Variants in FRMD3 observed in about 807,000 individuals in gnomAD.
FRMD3 encodes FERM domain containing 3, also known as FERM domain-containing protein 3.
FRMD3 carries 33 observed loss-of-function variants against 70.2 expected under a neutral mutation model. The ratio of observed to expected loss-of-function variants is 0.47; its 90% CI spans 0.36 to 0.63. The LOEUF (loss-of-function observed/expected upper bound fraction) is 0.63. Ranked by LOEUF, FRMD3 falls within the 20% of genes least tolerant of loss-of-function variation. The probability of loss-of-function intolerance (pLI) is 0.00; values close to 1 mark genes in which losing one functional copy is unlikely to be tolerated. For missense variants in FRMD3, 632 were observed against 711.4 expected (o/e 0.89, Z 1.27); for synonymous variants, 279 against 255.9 (o/e 1.09, Z -0.86).
At chr9:83,350,858 C>A in intron 3 of FRMD3, 1 of 552,404 alleles carries the variant, frequency 1.8e-6, no homozygotes, top group Non-Finnish European at 2.3e-6. Flanking sequence ...AAGATCACTA[C>A]CGACTTGTAA....
intron 1 of FRMD3, among the ~76,000 whole-genome samples, chr9:83,400,118 T>C (rs1825912521): frequency 6.6e-6 from 1 of 152,080 alleles, no homozygotes; most frequent in African/African-American, 2.4e-5. Context: ...ACATCAGATG[T>C]TCTCATTGTC....
chr9:83,534,106 T>C (rs930161485), intron 1 of FRMD3, among the ~76,000 whole-genome samples: 4 of 152,082 alleles, frequency 2.6e-5, no homozygotes, highest in African/African-American at 9.7e-5. Flanking sequence ...ACTTCAGGGG[T>C]TGGCTCAATT....
At chr9:83,318,207 C>A (rs1332715805) in intron 6 of FRMD3, among the ~76,000 whole-genome samples, 1 of 152,174 alleles carries the variant, frequency 6.6e-6, no homozygotes, top group Non-Finnish European at 1.5e-5. Context: ...TTTAGTGCAA[C>A]TATCACCCAA....
chr9:83,298,804 G>A lies in FRMD3; in HGVS notation c.1014C>T (p.Ala338=), dbSNP rs761884144. The change falls in exon 12 of 14, where the codon GCC becomes GCT. Residue 338 remains alanine, a synonymous_variant. Transcript: ENST00000304195. ...TGGAACTGGCCTCCACCACCTCTTT[G>A]GCAACTTTCCCACTGCAAAAGACAG... The part of the protein sequence containing the change: ...GSRFRYSGKV[A]KEVVEASSKI... 2 of 1,614,118 alleles carry A rather than the reference G, an allele frequency of 1.2e-6. No individual in the cohort carries two copies. The highest frequency in any genetic ancestry group is 4.5e-5 in the East Asian group (2 of 44,876).
intron 3 of FRMD3, among the ~76,000 whole-genome samples, chr9:83,364,228 T>C (rs906187334): frequency 6.6e-6 from 1 of 152,216 alleles, no homozygotes; most frequent in Non-Finnish European, 1.5e-5. Flanking sequence ...TGTGCTTTAA[T>C]TTGCTTTACA....
At chr9:83,480,963 A>G (rs1413735675) in intron 1 of FRMD3, among the ~76,000 whole-genome samples, 1 of 152,252 alleles carries the variant, frequency 6.6e-6, no homozygotes, top group South Asian at 2.1e-4. Context: ...CCAAAAGATT[A>G]CATAGAGCAG....
chr9:83,317,860 C>T (rs958767820), intron 6 of FRMD3, among the ~76,000 whole-genome samples: 3 of 152,116 alleles, frequency 2.0e-5, no homozygotes, highest in Admixed American at 1.3e-4. Context: ...AGGCAAGCTA[C>T]AGTATGGGAA....
chr9:83,359,311 C>T (rs1466449949), intron 3 of FRMD3, among the ~76,000 whole-genome samples: 2 of 152,184 alleles, frequency 1.3e-5, no homozygotes, highest in African/African-American at 4.8e-5. Context: ...TCTCTGAATT[C>T]TCTTCCTGCC....
At chr9:83,324,902 G>A (rs1013164168) in intron 6 of FRMD3, among the ~76,000 whole-genome samples, 6 of 152,190 alleles carry the variant, frequency 3.9e-5, no homozygotes, top group Admixed American at 2.0e-4. Flanking sequence ...TGCTTGTCAG[G>A]GCTGGTACCA....
chr9:83,435,677 T>C (rs2131383731), intron 1 of FRMD3, among the ~76,000 whole-genome samples: 1 of 152,314 alleles, frequency 6.6e-6, no homozygotes, highest in South Asian at 2.1e-4. Flanking sequence ...CAGTTTTATT[T>C]GGGTTTGAGG....
chr9:83,351,980 C>A (rs1824178363), intron 3 of FRMD3, among the ~76,000 whole-genome samples: 1 of 152,112 alleles, frequency 6.6e-6, no homozygotes, highest in Non-Finnish European at 1.5e-5. Flanking sequence ...TCTCACTTTC[C>A]TCACTTAACG....
chr9:83,393,761 C>T (rs78785315), intron 1 of FRMD3, among the ~76,000 whole-genome samples: 8,690 of 151,986 alleles, frequency 0.057, 305 homozygotes, highest in Non-Finnish European at 0.086. Flanking sequence ...GGTAGTACTG[C>T]GAGGGATGGG....
At chr9:83,416,148 C>T (rs1286967832) in intron 1 of FRMD3, among the ~76,000 whole-genome samples, 2 of 152,222 alleles carry the variant, frequency 1.3e-5, no homozygotes, top group Non-Finnish European at 1.5e-5. Flanking sequence ...AGCTGCCCTG[C>T]CCATTGCCAT....
At chr9:83,445,241 T>C (rs1486812572) in intron 1 of FRMD3, among the ~76,000 whole-genome samples, 1 of 152,014 alleles carries the variant, frequency 6.6e-6, no homozygotes, top group Non-Finnish European at 1.5e-5. Flanking sequence ...CTGGGTGTGG[T>C]GGCAGGTGCT....
chr9:83,308,267 A>G (rs924417907), intron 10 of FRMD3, among the ~76,000 whole-genome samples: 2 of 152,132 alleles, frequency 1.3e-5, no homozygotes, highest in Non-Finnish European at 2.9e-5. Flanking sequence ...TCAATCTCCA[A>G]TCCCATCCAA....
chr9:83,397,070 T>G (rs1488937217), intron 1 of FRMD3, among the ~76,000 whole-genome samples: 2 of 152,218 alleles, frequency 1.3e-5, no homozygotes, highest in Admixed American at 1.3e-4. Flanking sequence ...CAGAGTCCAT[T>G]GACTGCTGTG....
intron 12 of FRMD3, among the ~76,000 whole-genome samples, chr9:83,293,300 G>C (rs1834520760): frequency 2.0e-5 from 3 of 152,162 alleles, no homozygotes. Context: ...TCATGACTAT[G>C]ATTCTAACTC....
At chr9:83,243,435 G>A (rs763371301), downstream of FRMD3, among the ~76,000 whole-genome samples, 4 of 152,194 alleles carry the variant, frequency 2.6e-5, no homozygotes, top group Non-Finnish European at 4.4e-5. Flanking sequence ...TGGTGGGAGA[G>A]TCTTCCTCTA....
chr9:83,358,596 C>A (rs1001690179), intron 3 of FRMD3, among the ~76,000 whole-genome samples: 1 of 152,018 alleles, frequency 6.6e-6, no homozygotes, highest in Admixed American at 6.6e-5. Context: ...TTTGTGTTGT[C>A]TATGATTTCT....
Sources: allele counts gnomAD v4.1 joint callset (sites outside exome capture counted in the v4.1 genomes callset), GRCh38; gene constraint gnomAD v4.1.1; transcripts MANE v1.5; gene names NCBI Gene and HGNC (gene_info 2026-07-23, HGNC 2026-07-21).